PRR12: variants seen among roughly 807,000 people sequenced by gnomAD.
PRR12 encodes proline-rich protein 12.
Under a neutral mutation model 138.0 loss-of-function variants are expected in PRR12, and 12 were observed. The observed-to-expected ratio is 0.09, with a 90% CI of 0.06 to 0.14. PRR12 has a LOEUF of 0.14. Ranked by LOEUF, PRR12 falls within the 10% of genes least tolerant of loss-of-function variation. The pLI is 1.00. For synonymous variants in PRR12, 1,567 were observed against 1,291.7 expected, an observed-to-expected ratio of 1.21 and a Z score of -4.57; for missense variants, 2,692 against 2,861.3, an observed-to-expected ratio of 0.94 and a Z score of 1.35.
At chr19:49,603,324 C>T (rs1353881753) in intron 6 of PRR12, among the ~76,000 whole-genome samples, 1 of 152,252 alleles carries the variant, frequency 6.6e-6, no homozygotes, top group African/African-American at 2.4e-5. Flanking sequence ...AGGCCATTCT[C>T]CATGTCAATC....
intron 5 of PRR12, 138 bp downstream of exon 5, chr19:49,600,076 TTC>T: frequency 9.8e-7 from 1 of 1,020,718 alleles, no homozygotes; most frequent in Non-Finnish European, 1.4e-6. Flanking sequence ...TGAAGGGACT[TTC>T]CTGATTACAC....
rs2080812929 is a variant in PRR12, at chr19:49,601,757, C to A, written c.4612C>A (p.Pro1538Thr). ...EEPAAPSPED[P>T]ELPDTRPLHL... ...GCCCGCCGCCCCGTCTCCCGAAGAC[C>A]CCGAGCTGCCGGACACCCGGCCCCT... The change falls in exon 6 of 14, where the codon CCC becomes ACC. Residue 1538 changes from proline to threonine, a missense_variant. Physicochemically the swap from Pro to Thr is conservative, Grantham distance 38. Coordinates refer to ENST00000418929, the MANE Select transcript of PRR12 (RefSeq NM_020719.3). The A allele has an allele frequency of 6.3e-7, 1 of 1,580,850 alleles. No individual in the cohort carries two copies. The highest frequency in any genetic ancestry group is 1.1e-5 in the South Asian group (1 of 87,158).
rs1217242228 is a variant in PRR12, at chr19:49,597,457, C to T, written c.3122C>T (p.Pro1041Leu). 2 of 1,541,252 alleles carry T rather than the reference C, an allele frequency of 1.3e-6. No homozygotes were observed. The highest frequency in any genetic ancestry group is 2.4e-5 in the East Asian group (1 of 40,868). The change falls in exon 4 of 14, where the codon CCC becomes CTC. Residue 1041 changes from proline to leucine, a missense_variant. Physicochemically the swap from Pro to Leu is moderately conservative, Grantham distance 98. Coordinates refer to ENST00000418929, the MANE Select transcript of PRR12 (RefSeq NM_020719.3). The surrounding 1 kb of genome is among the most constrained non-coding windows in gnomAD (Gnocchi z 6.3). ...QSGPHQAAPP[P>L]PPPPPPPPAP... ...GGCCCCCACCAGGCGGCGCCACCACCCCCGCCTCCGCCACCGCCGCCTCCC... is the reference window on the plus strand; with the variant it reads ...GGCCCCCACCAGGCGGCGCCACCACTCCCGCCTCCGCCACCGCCGCCTCCC...
intron 6 of PRR12, among the ~76,000 whole-genome samples, chr19:49,610,158 A>G (rs1165135627): frequency 6.6e-6 from 1 of 151,952 alleles, no homozygotes; most frequent in African/African-American, 2.4e-5. Context: ...TATTTTTAGT[A>G]GAGACAAGGT....
In PRR12 at chr19:49,594,263, A is replaced by C; in HGVS notation, c.200-191A>C. Reference sequence around the variant, plus strand: ...GCCCCTTGTCTTGCTTTACTGTCTCACCTTTCCCCCTTCCCTCCCCTCATT... The same window carrying C: ...GCCCCTTGTCTTGCTTTACTGTCTCCCCTTTCCCCCTTCCCTCCCCTCATT... On this transcript the variant is annotated intron_variant, in intron 2 of 13. Coordinates refer to ENST00000418929, the MANE Select transcript of PRR12 (RefSeq NM_020719.3). The surrounding 1 kb of genome is among the most constrained non-coding windows in gnomAD (Gnocchi z 5.6). Among the ~76,000 whole-genome samples the C allele has an allele frequency of 1.3e-5, 2 of 149,246 alleles. No homozygotes were observed. Among genetic ancestry groups the C allele is most frequent in the Non-Finnish European group, 1.5e-5 (1 of 67,248 alleles).
chr19:49,624,389 C>T (rs2080943207), intron 11 of PRR12, among the ~76,000 whole-genome samples: 1 of 146,722 alleles, frequency 6.8e-6, no homozygotes, highest in South Asian at 2.2e-4. Context: ...GCTGAGAATT[C>T]TGGGATAGAT....
intron 11 of PRR12, among the ~76,000 whole-genome samples, chr19:49,622,751 G>T (rs2080929864): frequency 6.6e-6 from 1 of 151,046 alleles, no homozygotes; most frequent in South Asian, 2.1e-4. Flanking sequence ...AATTAGCTGG[G>T]CGTGGTGGCG....
intron 6 of PRR12, among the ~76,000 whole-genome samples, chr19:49,609,063 C>G (rs1219833068): frequency 6.6e-6 from 1 of 152,170 alleles, no homozygotes; most frequent in African/African-American, 2.4e-5. Flanking sequence ...CCTGGAATCC[C>G]AGCACTTTGG....
In PRR12 at chr19:49,617,826, C is replaced by G. The variant is rs972909743; in HGVS notation, c.5497+1607C>G. Among the ~76,000 whole-genome samples the G allele has an allele frequency of 2.6e-5, 4 of 152,054 alleles. No individual in the cohort carries two copies. In the South Asian group the frequency reaches 8.3e-4, roughly 32 times the overall value. ...GGAGATGTATAGAAAATAAAAGCGG[C>G]CGGGCACAGTGGCTGATGCCCAGCA... On this transcript the variant is annotated intron_variant, in intron 9 of 13. Coordinates refer to ENST00000418929, the MANE Select transcript of PRR12 (RefSeq NM_020719.3).
intron 9 of PRR12, 85 bp from the exon 10 acceptor site, chr19:49,620,267 T>G: frequency 6.4e-7 from 1 of 1,554,340 alleles, no homozygotes; most frequent in South Asian, 1.2e-5. Flanking sequence ...TCTCTTCCGG[T>G]CCCCAGTGTT....
At position 49,591,617 on chromosome 19, in the gene PRR12, T is replaced by TCCCTCCCC. The variant is rs1555739742; in HGVS notation, c.-36_-29dup. ...CGCGCGCGCCCCCTCCCTCCCTCCC[T>TCCCTCCCC]CCCTCCCCCTCCCCCCAATTTCCAC... On this transcript the variant is annotated 5_prime_UTR_variant, in exon 1 of 14. Transcript: ENST00000418929. 2.9e-4 allele frequency: 35 copies of TCCCTCCCC among 122,432 alleles called. No individual in the cohort carries two copies. Among genetic ancestry groups the TCCCTCCCC allele is most frequent in the African/African-American group, 4.1e-4 (5 of 12,070 alleles). 7.6% of individuals were successfully genotyped at this position (122,432 alleles called of 1,614,324 possible). A position where few individuals can be genotyped will look rare whatever the true frequency, so the allele number is the denominator to read the frequency against.
At chr19:49,623,861 G>A (rs530231304) in intron 11 of PRR12, among the ~76,000 whole-genome samples, 28 of 138,268 alleles carry the variant, frequency 2.0e-4, no homozygotes, top group East Asian at 7.0e-4. Context: ...GAATTCTGGG[G>A]TAGGTGGTTA....
In PRR12 at chr19:49,615,867, A is replaced by G. The variant is rs1178663018; in HGVS notation, c.5145A>G (p.Pro1715=). The change falls in exon 9 of 14, where the codon CCA becomes CCG. Residue 1715 remains proline, a synonymous_variant. Transcript: ENST00000418929. ...TPEKTTSEKP[P]EQTPETAMPE... is the part of the protein sequence containing the mutation. ...AAAAGACGACATCTGAGAAGCCCCC[A>G]GAGCAGACTCCTGAGACGGCCATGC... 1.3e-6 allele frequency: 2 copies of G among 1,598,388 alleles called. No homozygotes were observed. The highest frequency in any genetic ancestry group is 3.3e-4 in the Middle Eastern group (2 of 6,034).
At chr19:49,619,942 G>A (rs1599802778) in intron 9 of PRR12, among the ~76,000 whole-genome samples, 3 of 128,584 alleles carry the variant, frequency 2.3e-5, no homozygotes, top group South Asian at 2.7e-4. Context: ...TGCAACCTCC[G>A]CCTCCTGGGT....
At chr19:49,620,844 C>T (rs1249769225) in intron 10 of PRR12, among the ~76,000 whole-genome samples, 3 of 66,340 alleles carry the variant, frequency 4.5e-5, no homozygotes, top group South Asian at 5.5e-4. Flanking sequence ...AGGGAGGAGG[C>T]GCTGGGGGCC....
chr19:49,625,607 A>G lies in PRR12; in HGVS notation c.6111A>G (p.Ter2037TrpextTer6). Reference protein sequence around the residue: ...AQAQAHSRCG* With the variant: ...AQAQAHSRCGW ...CACAGGCCCACAGCCGCTGCGGGTG[A>G]CCCCGCCCCAGCTTGTGAGGGGGGC... Residue 2037 changes from the stop codon to tryptophan (W), a stop_lost, in exon 14 of 14, where the codon TGA becomes TGG. Coordinates refer to ENST00000418929, the MANE Select transcript of PRR12 (RefSeq NM_020719.3). The surrounding 1 kb of genome is among the most constrained non-coding windows in gnomAD (Gnocchi z 5.5). 1 of 1,598,476 alleles carries G rather than the reference A, an allele frequency of 6.3e-7. No individual in the cohort carries two copies. The highest frequency in any genetic ancestry group is 1.1e-5 in the South Asian group (1 of 89,758).
At chr19:49,592,579 C>G (rs1386950841) in intron 1 of PRR12, among the ~76,000 whole-genome samples, 5 of 152,092 alleles carry the variant, frequency 3.3e-5, no homozygotes, top group South Asian at 2.1e-4. Flanking sequence ...CCCAACACAC[C>G]TGGATTTCCC....
At chr19:49,609,883 T>C (rs2080856943) in intron 6 of PRR12, among the ~76,000 whole-genome samples, 1 of 152,134 alleles carries the variant, frequency 6.6e-6, no homozygotes, top group African/African-American at 2.4e-5. Context: ...GGGAAGTGAC[T>C]GGGGAGTTGT....
chr19:49,599,689 C>T lies in PRR12; in HGVS notation c.4096C>T (p.Leu1366Phe), dbSNP rs1475450313. 1 of 1,613,360 alleles carries T rather than the reference C, an allele frequency of 6.2e-7. No homozygotes were observed. Among genetic ancestry groups the T allele is most frequent in the African/African-American group, 1.3e-5 (1 of 74,940 alleles). Residue 1366 changes from leucine (L) to phenylalanine (F), a missense_variant, in exon 5 of 14, where the codon CTT becomes TTT. By Grantham distance (22) the Leu-to-Phe change is conservative. Coordinates refer to ENST00000418929, the MANE Select transcript of PRR12 (RefSeq NM_020719.3). This position sits in a 1 kb window ranked among gnomAD's most constrained non-coding sequence, Gnocchi z 5.0. The part of the protein sequence containing the change: ...GLGCPSPCKR[L>F]DEELKRNLET... ...TGGCTGCCCTTCACCCTGCAAGCGGCTTGATGAGGAGCTGAAGCGGAACCT... is the reference window on the plus strand; with the variant it reads ...TGGCTGCCCTTCACCCTGCAAGCGGTTTGATGAGGAGCTGAAGCGGAACCT...
Sources: gnomAD v4.1 joint callset for allele counts (sites outside exome capture counted in the v4.1 genomes callset) on GRCh38, gnomAD v4.1.1 for gene constraint, Gnocchi (gnomAD v3.1) non-coding constraint, MANE v1.5 for transcripts, NCBI Gene and HGNC (gene_info 2026-07-23, HGNC 2026-07-21) for gene names.